The following IMPA2 variants were observed in gnomAD, a reference collection of about 807,000 sequenced individuals.
IMPA2 encodes the protein IMP 2.
Under a neutral mutation model 35.1 loss-of-function variants are expected in IMPA2, and 32 were observed. That is an observed-to-expected ratio of 0.91 (90% CI 0.69 to 1.23). IMPA2 has a LOEUF of 1.23. Among genes scored for constraint, IMPA2 ranks in the 50% most tolerant of loss-of-function variants. The pLI, the probability that IMPA2 is intolerant of heterozygous loss-of-function variation, is 0.00. For missense variants in IMPA2, 334 were observed against 387.6 expected, an observed-to-expected ratio of 0.86 and a Z score of 1.16; for synonymous variants, 135 against 160.6, an observed-to-expected ratio of 0.84 and a Z score of 1.20.
intron 5 of IMPA2, among the ~76,000 whole-genome samples, chr18:12,024,448 C>A (rs1169980771): frequency 6.6e-6 from 1 of 152,134 alleles, no homozygotes; most frequent in Non-Finnish European, 1.5e-5. Context: ...CGCACCATTG[C>A]ACTGCAGGCT....
At chr18:11,989,428 G>A (rs1400970052) in intron 1 of IMPA2, among the ~76,000 whole-genome samples, 1 of 152,130 alleles carries the variant, frequency 6.6e-6, no homozygotes, top group African/African-American at 2.4e-5. Flanking sequence ...TGAGAAATTC[G>A]AAAACTCAAC....
In IMPA2 at chr18:11,998,925, G is replaced by A. The variant is rs910407031; in HGVS notation, c.97-129G>A. On this transcript the variant is annotated intron_variant, in intron 1 of 7. Coordinates refer to ENST00000269159, the MANE Select transcript of IMPA2 (RefSeq NM_014214.3). ...CCACAGAGCCACACCTGCTGCCCCC[G>A]CCGCCCCCCCCCCCCCCCCCCACCC... 3.2e-4 allele frequency: 12 copies of A among 37,192 alleles called. 1 individual carries two copies. Among genetic ancestry groups the A allele is most frequent in the Non-Finnish European group, 4.2e-4 (9 of 21,454 alleles). 2.3% of individuals were successfully genotyped at this position (37,192 alleles called of 1,614,324 possible).
At chr18:12,028,411 C>T in intron 6 of IMPA2, 5 of 502,736 alleles carry the variant, frequency 9.9e-6, no homozygotes, top group South Asian at 6.4e-5. Flanking sequence ...GCTCAACCAG[C>T]GAATGGTGCA....
intron 5 of IMPA2, among the ~76,000 whole-genome samples, chr18:12,026,646 AC>A (rs1208621458): frequency 1.3e-5 from 2 of 152,124 alleles, no homozygotes; most frequent in Admixed American, 1.3e-4. Flanking sequence ...CGGAAAAAAT[AC>A]CATCTGTTTG....
chr18:12,008,315 T>G (rs1414685334), intron 2 of IMPA2: 1 of 518,282 alleles, frequency 1.9e-6, no homozygotes, highest in Non-Finnish European at 3.9e-6. Context: ...CTTATTTTCT[T>G]TTTCTTACTC....
At chr18:12,028,799 G>C (rs772953663) in intron 6 of IMPA2, 43 bp from the exon 7 acceptor site, 1 of 1,596,100 alleles carries the variant, frequency 6.3e-7, no homozygotes, top group South Asian at 1.1e-5. Context: ...CACAGAAAAG[G>C]CTCCACTCCC....
At chr18:12,001,773 C>T (rs1907122532) in intron 2 of IMPA2, among the ~76,000 whole-genome samples, 1 of 152,068 alleles carries the variant, frequency 6.6e-6, no homozygotes, top group Non-Finnish European at 1.5e-5. Context: ...GGGAGCGTGC[C>T]CGGGCTGAAC....
intron 7 of IMPA2, 52 bp from the exon 8 acceptor site, chr18:12,030,291 G>T (rs1357130089): frequency 1.5e-6 from 2 of 1,373,772 alleles, no homozygotes; most frequent in African/African-American, 1.4e-5. Context: ...ACACAACATT[G>T]TTCAGCCCTC....
At chr18:12,006,786 G>C (rs529123152) in intron 2 of IMPA2, among the ~76,000 whole-genome samples, 1 of 152,326 alleles carries the variant, frequency 6.6e-6, no homozygotes, top group Non-Finnish European at 1.5e-5. Flanking sequence ...TGGTCCCAGA[G>C]TGGATGGGGA....
intron 5 of IMPA2, among the ~76,000 whole-genome samples, chr18:12,021,511 G>T (rs964553228): frequency 6.6e-6 from 1 of 152,096 alleles, no homozygotes; most frequent in African/African-American, 2.4e-5. Flanking sequence ...CTCTTACTCT[G>T]TGAGTACGTA....
intron 2 of IMPA2, among the ~76,000 whole-genome samples, chr18:12,007,674 TCTTTC>T (rs56781267): frequency 0.095 from 13,117 of 138,514 alleles, 785 homozygotes; most frequent in Admixed American, 0.18. Flanking sequence ...TTTCTTTCTT[TCTTTC>T]CTTTCTTTCC....
In IMPA2 at chr18:12,030,351, C is replaced by T; in HGVS notation, c.760C>T (p.Leu254Phe). 2 of 1,614,156 alleles carry T rather than the reference C, an allele frequency of 1.2e-6. No homozygotes were observed. Among genetic ancestry groups the T allele is most frequent in the Non-Finnish European group, 1.7e-6 (2 of 1,179,970 alleles). The change falls in exon 8 of 8, where the codon CTC (leucine) becomes TTC (phenylalanine). Residue 254 changes from leucine (L) to phenylalanine (F), a missense_variant. Transcript: ENST00000269159. ...GIVIDTSGGP[L>F]DLMACRVVAA... ...TCTCTGTCTGTCCCCAGGTGGACCC[C>T]TCGACCTCATGGCTTGCAGAGTGGT...
At chr18:12,022,278 T>C (rs1351395593) in intron 5 of IMPA2, among the ~76,000 whole-genome samples, 1 of 151,950 alleles carries the variant, frequency 6.6e-6, no homozygotes, top group Non-Finnish European at 1.5e-5. Context: ...ACGCCTGTAA[T>C]CCTAGCACTT....
intron 4 of IMPA2, 28 bp downstream of exon 4, chr18:12,012,243 C>T (rs778923613): frequency 6.3e-7 from 1 of 1,594,170 alleles, no homozygotes; most frequent in Non-Finnish European, 8.6e-7. Context: ...GTCCCCAGGG[C>T]CCCTCCCTGG....
Position 11,981,510 on chromosome 18 carries a change from C to T in IMPA2, c.-160C>T, listed in dbSNP as rs899769170. The T allele has an allele frequency of 7.1e-5, 31 of 438,210 alleles. No homozygotes were observed. The highest frequency in any genetic ancestry group is 1.1e-4 in the Non-Finnish European group (28 of 265,812). The allele number at this position is 438,210 out of a possible 1,614,324, so 27.1% of individuals were successfully genotyped here. A position where few individuals can be genotyped will look rare whatever the true frequency, so the allele number is the denominator to read the frequency against. On this transcript the variant is annotated 5_prime_UTR_variant, in exon 1 of 8. Transcript: ENST00000269159. ...ACGGCTCCCGCGGCCCGCTGGCTGC[C>T]CTTCCCGCCAGCGCAGGTGTGGGAC...
rs1907409390 is a variant in IMPA2 at position 12,010,673 on chromosome 18, GGA to G, written c.335+691_335+692del. The stretch of plus-strand genomic sequence containing the variant: ...TGGTTCTCCAGCTCTGGAGAACCCT[GGA>G]GAGATTCCCATTCCATGGGCGGGTG... On this transcript the variant is annotated intron_variant, in intron 3 of 7. Transcript: ENST00000269159. This position sits in a 1 kb window ranked among gnomAD's most constrained non-coding sequence, Gnocchi z 4.8. Among the ~76,000 whole-genome samples, 1 of 152,156 alleles carries G rather than the reference GGA, an allele frequency of 6.6e-6. No individual in the cohort carries two copies. Among genetic ancestry groups the G allele is most frequent in the East Asian group, 1.9e-4 (1 of 5,180 alleles).
chr18:12,023,561 C>A (rs112360898), intron 5 of IMPA2, among the ~76,000 whole-genome samples: 31 of 152,330 alleles, frequency 2.0e-4, no homozygotes, highest in African/African-American at 7.5e-4. Context: ...CTGGCACTGG[C>A]GGACTTTCCT....
chr18:11,986,026 G>T (rs1336742060), intron 1 of IMPA2, among the ~76,000 whole-genome samples: 1 of 152,208 alleles, frequency 6.6e-6, no homozygotes, highest in Non-Finnish European at 1.5e-5. Flanking sequence ...TTGCAGGCAA[G>T]TGGGGGCCTT....
intron 4 of IMPA2, 141 bp from the exon 5 acceptor site, chr18:12,014,124 C>A: frequency 1.5e-6 from 1 of 662,832 alleles, no homozygotes; most frequent in Admixed American, 2.5e-5. Context: ...TTCTCAGTTC[C>A]TTTTGGAAAG....
Sources: allele counts gnomAD v4.1 joint callset (sites outside exome capture counted in the v4.1 genomes callset), GRCh38; gene constraint gnomAD v4.1.1; non-coding constraint Gnocchi (gnomAD v3.1); transcripts MANE v1.5; gene names NCBI Gene and HGNC (gene_info 2026-07-23, HGNC 2026-07-21).